Variants in KDM3B observed in about 807,000 individuals in gnomAD.
KDM3B encodes lysine-specific demethylase 3B.
In KDM3B, 10 loss-of-function variants were observed where a neutral mutation model predicts 170.0. That is an observed-to-expected ratio of 0.06 (90% CI 0.04 to 0.10). The LOEUF (loss-of-function observed/expected upper bound fraction) is 0.10, where lower values mean the gene tolerates loss of function less well. KDM3B is among the 10% of genes least tolerant of loss of function. KDM3B has a pLI of 1.00. For missense variants in KDM3B, 1,394 were observed against 2,195.2 expected (o/e 0.64, Z 7.29); for synonymous variants, 831 against 834.8 (o/e 1.00, Z 0.08).
chr5:138,426,208 C>T (rs1763387108), intron 17 of KDM3B, among the ~76,000 whole-genome samples: 1 of 152,084 alleles, frequency 6.6e-6, no homozygotes, highest in African/African-American at 2.4e-5. Context: ...ATAAGACACA[C>T]ACTAAAGTAG....
chr5:138,362,787 G>C (rs1341456310), intron 1 of KDM3B, among the ~76,000 whole-genome samples: 1 of 148,368 alleles, frequency 6.7e-6, no homozygotes, highest in East Asian at 2.0e-4. Context: ...TGTGCACAAC[G>C]TGCAGGTTTG....
intron 1 of KDM3B, among the ~76,000 whole-genome samples, chr5:138,361,693 T>C (rs1270170093): frequency 6.6e-6 from 1 of 152,220 alleles, no homozygotes; most frequent in Non-Finnish European, 1.5e-5. Flanking sequence ...AATGCTGTCA[T>C]CCATTGAAAT....
At position 138,420,746 on chromosome 5, in the gene KDM3B, T is replaced by A. The variant is rs545026415; in HGVS notation, c.3756T>A (p.His1252Gln). ...GGTCGGTGCTCAATAAAGAGTCTCATTCACCCTTTGGGCTGGACTCGTTCA... is the reference window on the plus strand; with the variant it reads ...GGTCGGTGCTCAATAAAGAGTCTCAATCACCCTTTGGGCTGGACTCGTTCA... Reference protein sequence around the residue: ...SLRSVLNKESHSPFGLDSFNS... With the variant: ...SLRSVLNKESQSPFGLDSFNS... The change falls in exon 15 of 24, where the codon CAT becomes CAA. Residue 1252 changes from histidine to glutamine, a missense_variant. This residue lies in a region of KDM3B where 137 missense variants were observed against 166.9 expected (regional missense o/e 0.82). Coordinates refer to ENST00000314358, the MANE Select transcript of KDM3B (RefSeq NM_016604.4). 1 of 1,614,114 alleles carries A rather than the reference T, an allele frequency of 6.2e-7. No individual in the cohort carries two copies. Among genetic ancestry groups the A allele is most frequent in the South Asian group, 1.1e-5 (1 of 91,078 alleles).
At chr5:138,409,316 G>C (rs1460009417) in intron 11 of KDM3B, among the ~76,000 whole-genome samples, 1 of 152,150 alleles carries the variant, frequency 6.6e-6, no homozygotes, top group Non-Finnish European at 1.5e-5. Flanking sequence ...CTACAAAAAA[G>C]CTAATATTAT....
rs1761358953 is a variant in KDM3B at position 138,352,775 on chromosome 5, C to T, written c.-21C>T. On this transcript the variant is annotated 5_prime_UTR_variant, in exon 1 of 24. Transcript: ENST00000314358. ...TGGTGGGAGGCGGCGGGCGGGAGCG[C>T]GGGTCAGGCCGGCCCCGGCGATGGC... 8.2e-7 allele frequency: 1 copy of T among 1,216,222 alleles called. No individual in the cohort carries two copies. The highest frequency in any genetic ancestry group is 1.0e-6 in the Non-Finnish European group (1 of 980,756). The allele number at this position is 1,216,222 out of a possible 1,614,324, so 75.3% of individuals were successfully genotyped here.
At chr5:138,367,681 A>T (rs979473628) in intron 1 of KDM3B, among the ~76,000 whole-genome samples, 1 of 152,182 alleles carries the variant, frequency 6.6e-6, no homozygotes, top group Non-Finnish European at 1.5e-5. Context: ...TTTTAAAAAA[A>T]TTTCTTAGCT....
chr5:138,412,782 G>T (rs745969122), intron 11 of KDM3B, among the ~76,000 whole-genome samples: 2 of 152,158 alleles, frequency 1.3e-5, no homozygotes, highest in Non-Finnish European at 2.9e-5. Context: ...GGGCAAACAA[G>T]CCCATTTTTT....
At chr5:138,434,527 AAC>A (rs1763624725) in intron 23 of KDM3B, among the ~76,000 whole-genome samples, 2 of 151,564 alleles carry the variant, frequency 1.3e-5, no homozygotes, top group South Asian at 4.2e-4. Context: ...CAGCGTGGGC[AAC>A]AGTGTTAGAC....
At chr5:138,360,470 T>C (rs1051798511) in intron 1 of KDM3B, among the ~76,000 whole-genome samples, 2 of 152,066 alleles carry the variant, frequency 1.3e-5, no homozygotes, top group Non-Finnish European at 2.9e-5. Context: ...GAGCCATGGT[T>C]GAGTTTTTCA....
chr5:138,386,223 A>C lies in KDM3B; in HGVS notation c.982A>C (p.Asn328His), dbSNP rs758044575. The C allele has an allele frequency of 4.3e-6, 7 of 1,614,054 alleles. No homozygotes were observed. Among genetic ancestry groups the C allele is most frequent in the Non-Finnish European group, 5.9e-6 (7 of 1,180,048 alleles). ...EASRGPWKGG[N>H]ASGEPGLDQR... ...AAGCCGAGGGCCCTGGAAAGGAGGG[A>C]ATGCCAGTGGAGAGCCAGGGCTGGA... is the stretch of plus-strand genomic sequence containing the variant. The change falls in exon 7 of 24, where the codon AAT (asparagine) becomes CAT (histidine). Residue 328 changes from asparagine to histidine, a missense_variant. By Grantham distance (68) the Asn-to-His change is moderately conservative (BLOSUM62 1). Transcript: ENST00000314358.
intron 6 of KDM3B, 22 bp downstream of exon 6, chr5:138,381,612 C>T: frequency 7.0e-7 from 1 of 1,424,698 alleles, no homozygotes; most frequent in Non-Finnish European, 9.9e-7. Flanking sequence ...GACTGCATTC[C>T]TGAGCAGACT....
intron 14 of KDM3B, 53 bp downstream of exon 14, chr5:138,419,285 T>C: frequency 1.3e-6 from 2 of 1,556,442 alleles, no homozygotes; most frequent in Admixed American, 3.8e-5. Flanking sequence ...ATGAGTTTTT[T>C]CCAGGATTCT....
chr5:138,405,046 AT>A (rs145119422), intron 11 of KDM3B, among the ~76,000 whole-genome samples: 4,635 of 126,392 alleles, frequency 0.037, 93 homozygotes, highest in South Asian at 0.12. Context: ...CAGCCTACAA[AT>A]TTTTTTTTTT....
At chr5:138,412,482 T>C (rs1249421363) in intron 11 of KDM3B, among the ~76,000 whole-genome samples, 1 of 151,928 alleles carries the variant, frequency 6.6e-6, no homozygotes, top group Non-Finnish European at 1.5e-5. Context: ...GGAGACCTCA[T>C]CTCTACAAAA....
Position 138,399,984 on chromosome 5 carries a change from C to T in KDM3B, c.3171C>T (p.Tyr1057=). Residue 1057 remains tyrosine (Y), a synonymous_variant, in exon 11 of 24, where the codon TAC becomes TAT. Transcript: ENST00000314358. ...KCGFGVCLDC[Y]RLRKSRPRSE... is the part of the protein sequence containing the mutation. The stretch of plus-strand genomic sequence containing the variant: ...GATTTGGGGTCTGCCTTGACTGTTA[C>T]CGGCTCAGGAAAAGCCGGCCACGCA... 2 of 1,614,172 alleles carry T rather than the reference C, an allele frequency of 1.2e-6. No homozygotes were observed. The highest frequency in any genetic ancestry group is 2.2e-5 in the South Asian group (2 of 91,080).
At chr5:138,402,010 C>G (rs1289790812) in intron 11 of KDM3B, among the ~76,000 whole-genome samples, 1 of 151,864 alleles carries the variant, frequency 6.6e-6, no homozygotes, top group African/African-American at 2.4e-5. Context: ...CTCATTGCAG[C>G]CTCAACCGCC....
Position 138,386,418 on chromosome 5 carries a change from C to T in KDM3B, c.1177C>T (p.Pro393Ser), listed in dbSNP as rs201414691. 47 of 1,614,218 alleles carry T rather than the reference C, an allele frequency of 2.9e-5. No individual in the cohort carries two copies. The Admixed American group carries it at 7.8e-4, about 27-fold the overall frequency. The change falls in exon 7 of 24, where the codon CCT (proline) becomes TCT (serine). Residue 393 changes from proline to serine, a missense_variant. By Grantham distance (74) the Pro-to-Ser change is moderately conservative. Around this residue, in one of 19 missense-constraint regions of KDM3B, gnomAD observed 205 missense variants for 227.6 expected, o/e 0.90. Coordinates refer to ENST00000314358, the MANE Select transcript of KDM3B (RefSeq NM_016604.4). ...ATATTCTACAGCCACAGGTCAGACACCTTTGGCCCCAGAGGTGGGTGGAGC... is the reference window on the plus strand; with the variant it reads ...ATATTCTACAGCCACAGGTCAGACATCTTTGGCCCCAGAGGTGGGTGGAGC... ...TPYSTATGQT[P>S]LAPEVGGAEN...
chr5:138,382,979 G>A (rs1019645743), intron 6 of KDM3B, among the ~76,000 whole-genome samples: 2 of 151,946 alleles, frequency 1.3e-5, no homozygotes, highest in African/African-American at 4.8e-5. Context: ...AATAGAACTG[G>A]GGAGTACTGG....
At chr5:138,369,196 T>C (rs1761815691) in intron 1 of KDM3B, among the ~76,000 whole-genome samples, 1 of 152,184 alleles carries the variant, frequency 6.6e-6, no homozygotes, top group Non-Finnish European at 1.5e-5. Flanking sequence ...GTCTGGGCAT[T>C]GAACATTCCA....
Sources: gnomAD v4.1 joint callset for allele counts (sites outside exome capture counted in the v4.1 genomes callset) on GRCh38, gnomAD v4.1.1 for gene constraint, gnomAD v4.1.1 regional missense constraint, MANE v1.5 for transcripts, NCBI Gene and HGNC (gene_info 2026-07-23, HGNC 2026-07-21) for gene names.